The following RIMS2 variants were observed in gnomAD, a reference collection of about 807,000 sequenced individuals.
The protein encoded by RIMS2 is regulating synaptic membrane exocytosis protein 2.
RIMS2 carries 59 observed loss-of-function variants against 174.4 expected under a neutral mutation model. The ratio of observed to expected loss-of-function variants is 0.34; its 90% confidence interval spans 0.27 to 0.42. The LOEUF (loss-of-function observed/expected upper bound fraction) is 0.42. Among genes scored for constraint, RIMS2 ranks in the 10% least tolerant of loss-of-function variants. The pLI is 1.00. For missense variants in RIMS2, 1,620 were observed against 1,666.3 expected, an observed-to-expected ratio of 0.97 and a Z score of 0.48; for synonymous variants, 606 against 572.5, an observed-to-expected ratio of 1.06 and a Z score of -0.84.
chr8:103,954,752 C>A (rs891499459), intron 14 of RIMS2, among the ~76,000 whole-genome samples: 4 of 151,840 alleles, frequency 2.6e-5, no homozygotes. Flanking sequence ...TAACTGAGAT[C>A]GGAGCAGAAC....
At position 103,523,779 on chromosome 8, in the gene RIMS2, A is replaced by G. The variant is rs761601701; in HGVS notation, c.176+22717A>G. Among the ~76,000 whole-genome samples the G allele has an allele frequency of 1.6e-4, 24 of 151,868 alleles. No individual in the cohort carries two copies. In the Middle Eastern group the frequency reaches 0.024, roughly 151 times the overall value. On this transcript the variant is annotated intron_variant, in intron 1 of 23. Transcript: ENST00000504942. ...CCCAAGACTTGTGATTTTTTTTTCA[A>G]TTTTTCAGATGAGTTAGGCTATCTT...
At chr8:104,129,358 C>T (rs1432952131) in intron 19 of RIMS2, among the ~76,000 whole-genome samples, 2 of 152,176 alleles carry the variant, frequency 1.3e-5, no homozygotes, top group Admixed American at 6.5e-5. Context: ...ACACTCCGGC[C>T]TGGGAACGAG....
chr8:104,077,096 A>G (rs961959595), intron 19 of RIMS2, among the ~76,000 whole-genome samples: 45 of 152,178 alleles, frequency 3.0e-4, no homozygotes, highest in Non-Finnish European at 5.9e-4. Context: ...CTAGGATTAC[A>G]GGCATGAGCC....
intron 19 of RIMS2, among the ~76,000 whole-genome samples, chr8:104,147,215 C>G (rs1160014063): frequency 6.6e-6 from 1 of 152,058 alleles, no homozygotes; most frequent in Non-Finnish European, 1.5e-5. Context: ...TTTCTCTTCT[C>G]TCCCCACCCA....
intron 3 of RIMS2, among the ~76,000 whole-genome samples, chr8:103,782,400 G>C (rs1037977226): frequency 6.7e-6 from 1 of 149,880 alleles, no homozygotes; most frequent in African/African-American, 2.5e-5. Flanking sequence ...ACATTTTTTT[G>C]CTATTACAAA....
chr8:103,625,768 C>A (rs561592099), intron 1 of RIMS2, among the ~76,000 whole-genome samples: 137 of 152,094 alleles, frequency 9.0e-4, no homozygotes, highest in African/African-American at 3.2e-3. Context: ...TAATTTACAT[C>A]AATGAACTAA....
At chr8:103,507,078 G>A (rs1023231664) in intron 1 of RIMS2, among the ~76,000 whole-genome samples, 3 of 152,064 alleles carry the variant, frequency 2.0e-5, no homozygotes, top group Non-Finnish European at 4.4e-5. Context: ...CCAGAGAACC[G>A]TATTAGGTTA....
At chr8:104,022,110 A>T (rs956398880) in intron 19 of RIMS2, among the ~76,000 whole-genome samples, 3 of 152,218 alleles carry the variant, frequency 2.0e-5, no homozygotes, top group African/African-American at 7.2e-5. Context: ...TGTTATCTAC[A>T]GAAGTAACTG....
At chr8:103,767,093 G>A (rs550799018) in intron 3 of RIMS2, among the ~76,000 whole-genome samples, 24 of 152,132 alleles carry the variant, frequency 1.6e-4, no homozygotes, top group East Asian at 1.9e-4. Flanking sequence ...GGGCTTCTTC[G>A]TGTTCAAAGT....
intron 1 of RIMS2, among the ~76,000 whole-genome samples, chr8:103,626,429 C>A (rs909642683): frequency 6.6e-6 from 1 of 152,006 alleles, no homozygotes; most frequent in Non-Finnish European, 1.5e-5. Flanking sequence ...ATAATAATAA[C>A]AAAATATTCC....
At chr8:103,771,077 CT>C (rs1738701525) in intron 3 of RIMS2, among the ~76,000 whole-genome samples, 2 of 152,144 alleles carry the variant, frequency 1.3e-5, no homozygotes, top group South Asian at 2.1e-4. Context: ...TGTTATTTCT[CT>C]CACAGGTTTT....
chr8:104,055,999 G>A (rs527436264), intron 19 of RIMS2, among the ~76,000 whole-genome samples: 1 of 152,240 alleles, frequency 6.6e-6, no homozygotes, highest in East Asian at 1.9e-4. Flanking sequence ...GAAATGTAAT[G>A]AATGCAGTAC....
chr8:104,246,237 T>C (rs151113782), intron 20 of RIMS2, among the ~76,000 whole-genome samples: 1,556 of 152,350 alleles, frequency 0.01, 10 homozygotes, highest in Non-Finnish European at 0.014. Flanking sequence ...GGGATGTAAG[T>C]CATAGGAGGG....
chr8:104,148,041 A>C (rs990838105), intron 19 of RIMS2, among the ~76,000 whole-genome samples: 2 of 152,188 alleles, frequency 1.3e-5, no homozygotes, highest in Non-Finnish European at 2.9e-5. Context: ...AAAGTGAAAT[A>C]AAGTTATTTT....
chr8:104,137,616 T>C (rs1476729779), intron 19 of RIMS2, among the ~76,000 whole-genome samples: 3 of 152,178 alleles, frequency 2.0e-5, no homozygotes, highest in Non-Finnish European at 2.9e-5. Flanking sequence ...ATATAATCAA[T>C]AGAAGATACT....
intron 19 of RIMS2, among the ~76,000 whole-genome samples, chr8:104,143,257 T>C (rs1041571544): frequency 9.8e-5 from 15 of 152,332 alleles, no homozygotes; most frequent in African/African-American, 3.6e-4. Context: ...TGAGTTTAAG[T>C]GAAATAAAGT....
intron 19 of RIMS2, among the ~76,000 whole-genome samples, chr8:104,143,574 A>G (rs2098603535): frequency 6.6e-6 from 1 of 152,188 alleles, no homozygotes; most frequent in African/African-American, 2.4e-5. Flanking sequence ...GCCTTTCAAG[A>G]TACCATGTTT....
intron 19 of RIMS2, among the ~76,000 whole-genome samples, chr8:104,213,376 C>T: frequency 6.6e-6 from 1 of 152,192 alleles, no homozygotes; most frequent in East Asian, 1.9e-4. Context: ...TCCTCACTGT[C>T]ATTACACTTT....
At chr8:103,819,551 C>G (rs766719109) in intron 3 of RIMS2, 1 of 1,613,464 alleles carries the variant, frequency 6.2e-7, no homozygotes, top group Admixed American at 1.7e-5. Context: ...TCTGTTTTAT[C>G]TCATTTTCAT....
Sources: gnomAD v4.1 joint callset for allele counts (sites outside exome capture counted in the v4.1 genomes callset) on GRCh38, gnomAD v4.1.1 for gene constraint, MANE v1.5 for transcripts, NCBI Gene and HGNC (gene_info 2026-07-23, HGNC 2026-07-21) for gene names.